The following SEPTIN7 variants were observed in gnomAD, a reference collection of about 807,000 sequenced individuals.
SEPTIN7 encodes the protein septin-7.
A neutral mutation model predicts 63.3 loss-of-function variants in SEPTIN7; 10 were observed. The observed-to-expected ratio is 0.16, with a 90% confidence interval of 0.10 to 0.27. SEPTIN7 has a LOEUF of 0.27. Among genes scored for constraint, SEPTIN7 ranks in the 10% least tolerant of loss-of-function variants. SEPTIN7 has a pLI of 1.00. For synonymous variants in SEPTIN7, 131 were observed against 165.3 expected, an observed-to-expected ratio of 0.79 and a Z score of 1.59; for missense variants, 310 against 521.0, an observed-to-expected ratio of 0.59 and a Z score of 3.94.
intron 3 of SEPTIN7, among the ~76,000 whole-genome samples, chr7:35,858,049 C>A (rs1785297158): frequency 6.6e-6 from 1 of 151,982 alleles, no homozygotes; most frequent in Non-Finnish European, 1.5e-5. Flanking sequence ...TCAGGCAGTT[C>A]TCTTGCTTCA....
chr7:35,813,458 A>G (rs932339802), intron 1 of SEPTIN7, among the ~76,000 whole-genome samples: 5 of 152,018 alleles, frequency 3.3e-5, no homozygotes, highest in African/African-American at 9.7e-5. Flanking sequence ...CCTGGGTTCA[A>G]GCGATTCTCA....
At chr7:35,835,604 G>C (rs551269629) in intron 3 of SEPTIN7, among the ~76,000 whole-genome samples, 1 of 152,098 alleles carries the variant, frequency 6.6e-6, no homozygotes, top group Admixed American at 6.5e-5. Flanking sequence ...GTATAGTGCA[G>C]TGTTTATAAG....
chr7:35,880,020 G>A, intron 7 of SEPTIN7, 80 bp downstream of exon 7: 2 of 751,436 alleles, frequency 2.7e-6, no homozygotes, highest in Admixed American at 4.1e-5. Context: ...ATAATGTGTT[G>A]CAATCCATTC....
intron 3 of SEPTIN7, among the ~76,000 whole-genome samples, chr7:35,840,287 C>G (rs1322448018): frequency 2.1e-5 from 3 of 142,690 alleles, no homozygotes; most frequent in East Asian, 2.1e-4. Flanking sequence ...GAAACAAGGT[C>G]TTGTTCTGGT....
intron 1 of SEPTIN7, among the ~76,000 whole-genome samples, chr7:35,816,248 C>T (rs1051435090): frequency 6.6e-6 from 1 of 152,118 alleles, no homozygotes; most frequent in African/African-American, 2.4e-5. Context: ...CCTTCTCTTC[C>T]CTTGTCCTGG....
intron 8 of SEPTIN7, 101 bp downstream of exon 8, chr7:35,882,677 G>A: frequency 9.2e-7 from 1 of 1,081,492 alleles, no homozygotes; most frequent in South Asian, 3.8e-5. Flanking sequence ...TTAAGTAGTT[G>A]GCTTACAAAA....
In SEPTIN7 at chr7:35,839,561, A is replaced by ATGT. The variant is rs1238585530; in HGVS notation, c.169+6663_169+6665dup. On this transcript the variant is annotated intron_variant, in intron 3 of 13. Transcript: ENST00000350320. The stretch of plus-strand genomic sequence containing the variant: ...ATGTTATGTTATGTTATGTTATGTT[A>ATGT]TGTTATTTTTGAGACAGAGTCTTGC... Among the ~76,000 whole-genome samples the ATGT allele has an allele frequency of 3.4e-5, 5 of 148,150 alleles. No individual in the cohort carries two copies. The East Asian group carries it at 9.7e-4, about 29-fold the overall frequency.
intron 1 of SEPTIN7, among the ~76,000 whole-genome samples, chr7:35,802,847 A>G (rs1390545840): frequency 1.3e-5 from 2 of 152,168 alleles, no homozygotes; most frequent in East Asian, 3.8e-4. Context: ...AGAGCAGTAA[A>G]CAATCTTTCA....
In SEPTIN7 at chr7:35,801,202, G is replaced by T; in HGVS notation, c.-8G>T. On this transcript the variant is annotated 5_prime_UTR_variant, in exon 1 of 14. Coordinates refer to ENST00000350320, the MANE Select transcript of SEPTIN7 (RefSeq NM_001788.6). ...TCCGCTGGGGCTGGTCGCGGAGGGG[G>T]GGAGGGGATGTCGGTCAGTGCGAGA... 1 of 1,505,336 alleles carries T rather than the reference G, an allele frequency of 6.6e-7. No individual in the cohort carries two copies. Among genetic ancestry groups the T allele is most frequent in the Non-Finnish European group, 8.9e-7 (1 of 1,125,634 alleles). 93.2% of individuals were successfully genotyped at this position (1,505,336 alleles called of 1,614,324 possible).
chr7:35,810,470 C>T lies in SEPTIN7; in HGVS notation c.61+9200C>T, dbSNP rs146521428. Among the ~76,000 whole-genome samples, 702 of 152,004 alleles carry T rather than the reference C, an allele frequency of 4.6e-3. 2 individuals are homozygous for T. The highest frequency in any genetic ancestry group is 8.3e-3 in the Admixed American group (127 of 15,280). On this transcript the variant is annotated intron_variant, in intron 1 of 13. Coordinates refer to ENST00000350320, the MANE Select transcript of SEPTIN7 (RefSeq NM_001788.6). The stretch of plus-strand genomic sequence containing the variant: ...TCCCGAGTAGCTGGGACTACAGGCG[C>T]CCGCCACCACACCTGGCTAATTTTT...
At position 35,868,402 on chromosome 7, in the gene SEPTIN7, G is replaced by T. The variant is rs1050738453; in HGVS notation, c.277-4264G>T. 2.6e-5 allele frequency among the ~76,000 whole-genome samples: 4 copies of T among 152,088 alleles called. No individual in the cohort carries two copies. In the East Asian group the frequency reaches 7.7e-4, roughly 29 times the overall value. On this transcript the variant is annotated intron_variant, in intron 4 of 13. Coordinates refer to ENST00000350320, the MANE Select transcript of SEPTIN7 (RefSeq NM_001788.6). ...GAATGCTTGTCTTAAACTAAGTTTT[G>T]GGGCTACAATGATGATAGACAAAAA...
chr7:35,877,496 C>G (rs1786544772), intron 6 of SEPTIN7, among the ~76,000 whole-genome samples: 1 of 152,074 alleles, frequency 6.6e-6, no homozygotes, highest in African/African-American at 2.4e-5. Context: ...TCAGTCAATT[C>G]AATTATTAGT....
intron 4 of SEPTIN7, among the ~76,000 whole-genome samples, chr7:35,869,904 G>GTGATT (rs1207305087): frequency 6.6e-6 from 1 of 152,190 alleles, no homozygotes; most frequent in Non-Finnish European, 1.5e-5. Flanking sequence ...GCTAATCTTA[G>GTGATT]AGAACCCTGA....
chr7:35,896,435 C>A (rs1787965114), intron 11 of SEPTIN7, among the ~76,000 whole-genome samples: 1 of 152,098 alleles, frequency 6.6e-6, no homozygotes, highest in Non-Finnish European at 1.5e-5. Context: ...ATTATAGACT[C>A]TTTGAAAATC....
chr7:35,814,013 CAT>C (rs1263930695), intron 1 of SEPTIN7, among the ~76,000 whole-genome samples: 2 of 150,450 alleles, frequency 1.3e-5, no homozygotes, highest in Non-Finnish European at 3.0e-5. Flanking sequence ...TTAACAAACA[CAT>C]GTTTTATACC....
chr7:35,880,208 CTTTTT>C (rs1169840776), intron 7 of SEPTIN7, among the ~76,000 whole-genome samples: 2 of 96,428 alleles, frequency 2.1e-5, no homozygotes, highest in Non-Finnish European at 4.4e-5. Context: ...CTTTTCTTTT[CTTTTT>C]TTTTCTTTTC....
chr7:35,852,663 G>C (rs1436307957), intron 3 of SEPTIN7, among the ~76,000 whole-genome samples: 1 of 152,152 alleles, frequency 6.6e-6, no homozygotes, highest in African/African-American at 2.4e-5. Flanking sequence ...TGAGTAAGGT[G>C]ACTTTGCTTA....
intron 3 of SEPTIN7, among the ~76,000 whole-genome samples, chr7:35,860,722 T>C (rs983784473): frequency 6.6e-6 from 1 of 152,244 alleles, no homozygotes; most frequent in Non-Finnish European, 1.5e-5. Flanking sequence ...TATAGTCTTA[T>C]TTGAGGATTC....
chr7:35,902,397 G>GT (rs1199630085), intron 12 of SEPTIN7: 3 of 152,084 alleles, frequency 2.0e-5, no homozygotes, highest in Non-Finnish European at 4.4e-5. Context: ...TAGAATCACT[G>GT]TAACTTGTTG....
Sources: gnomAD v4.1 joint callset for allele counts (sites outside exome capture counted in the v4.1 genomes callset) on GRCh38, gnomAD v4.1.1 for gene constraint, MANE v1.5 for transcripts, NCBI Gene and HGNC (gene_info 2026-07-23, HGNC 2026-07-21) for gene names.